The following ZDHHC17 variants were observed in gnomAD, a reference collection of about 807,000 sequenced individuals.
ZDHHC17 encodes the protein palmitoyltransferase ZDHHC17.
A neutral mutation model predicts 90.3 loss-of-function variants in ZDHHC17; 40 were observed. The observed-to-expected ratio is 0.44, with a 90% CI of 0.34 to 0.58. The LOEUF (loss-of-function observed/expected upper bound fraction) is 0.58, where lower values mean the gene tolerates loss of function less well. Among genes scored for constraint, ZDHHC17 ranks in the 20% least tolerant of loss-of-function variants. The pLI is 0.01. For synonymous variants in ZDHHC17, 235 were observed against 252.4 expected (o/e 0.93, Z 0.65); for missense variants, 614 against 780.8 (o/e 0.79, Z 2.55).
intron 2 of ZDHHC17, among the ~76,000 whole-genome samples, chr12:76,804,863 A>G (rs1159166855): frequency 6.6e-6 from 1 of 152,168 alleles, no homozygotes. Flanking sequence ...CTCTTGGTCC[A>G]TTCTTTGGGT....
rs2137812666 is a variant in ZDHHC17 at position 76,851,469 on chromosome 12, T to C, written c.*484T>C. The C allele has an allele frequency of 6.4e-6, 1 of 156,578 alleles. No homozygotes were observed. The highest frequency in any genetic ancestry group is 1.4e-5 in the Non-Finnish European group (1 of 70,862). 9.7% of individuals were successfully genotyped at this position (156,578 alleles called of 1,614,324 possible). ...TTATGTACATTTCAGAATGTACACA[T>C]AAATACTGTGATGAAAATCATGTGA... On this transcript the variant is annotated 3_prime_UTR_variant, in exon 17 of 17. Coordinates refer to ENST00000426126, the MANE Select transcript of ZDHHC17 (RefSeq NM_015336.4).
intron 10 of ZDHHC17, among the ~76,000 whole-genome samples, chr12:76,833,089 G>A (rs1231540605): frequency 6.6e-6 from 1 of 152,084 alleles, no homozygotes; most frequent in Non-Finnish European, 1.5e-5. Context: ...TGGTGATAAT[G>A]AATTTTACAT....
intron 8 of ZDHHC17, among the ~76,000 whole-genome samples, chr12:76,826,094 A>G (rs1201905227): frequency 6.6e-6 from 1 of 152,130 alleles, no homozygotes. Flanking sequence ...GTTGGGATTA[A>G]AGGCATGAGC....
intron 3 of ZDHHC17, among the ~76,000 whole-genome samples, chr12:76,807,410 C>T (rs1952967721): frequency 6.6e-6 from 1 of 152,116 alleles, no homozygotes; most frequent in Non-Finnish European, 1.5e-5. Flanking sequence ...CGTTGATGGT[C>T]CCTTCTGAAA....
intron 2 of ZDHHC17, among the ~76,000 whole-genome samples, chr12:76,804,854 T>G (rs1952937374): frequency 6.6e-6 from 1 of 152,218 alleles, no homozygotes; most frequent in South Asian, 2.1e-4. Context: ...TCCTCGTGCC[T>G]CTTGGTCCAT....
intron 12 of ZDHHC17, 115 bp from the exon 13 acceptor site, chr12:76,845,594 C>A: frequency 2.4e-6 from 1 of 418,802 alleles, no homozygotes; most frequent in Non-Finnish European, 4.1e-6. Flanking sequence ...TTGATATAAT[C>A]TTGTTTAAAA....
chr12:76,799,661 T>TG (rs1952863834), intron 2 of ZDHHC17, among the ~76,000 whole-genome samples: 1 of 152,216 alleles, frequency 6.6e-6, no homozygotes, highest in Admixed American at 6.5e-5. Context: ...ATCTGAACAA[T>TG]TTGATTTTAA....
In ZDHHC17 at chr12:76,822,489, A is replaced by G. The variant is rs1953175781; in HGVS notation, c.855A>G (p.Gly285=). The part of the protein sequence containing the change: ...NHLQEARQAK[G]YDNPSFLRKL... ...TACAAGAGGCAAGGCAAGCAAAAGGATATGACAATCCGTCCTTCCTTAGAA... is the reference window on the plus strand; with the variant it reads ...TACAAGAGGCAAGGCAAGCAAAAGGGTATGACAATCCGTCCTTCCTTAGAA... The change falls in exon 8 of 17, where the codon GGA becomes GGG. Residue 285 remains glycine, a synonymous_variant. Transcript: ENST00000426126. 1 of 1,612,574 alleles carries G rather than the reference A, an allele frequency of 6.2e-7. No homozygotes were observed. The highest frequency in any genetic ancestry group is 2.2e-5 in the East Asian group (1 of 44,812).
At chr12:76,787,372 A>AT (rs1310242057) in intron 1 of ZDHHC17, among the ~76,000 whole-genome samples, 1 of 152,214 alleles carries the variant, frequency 6.6e-6, no homozygotes, top group African/African-American at 2.4e-5. Context: ...GCCTGTTGGC[A>AT]TTTTTATGCC....
intron 7 of ZDHHC17, among the ~76,000 whole-genome samples, chr12:76,817,951 CAGTGTCTAT>C (rs1367278726): frequency 6.6e-6 from 1 of 152,150 alleles, no homozygotes; most frequent in Non-Finnish European, 1.5e-5. Context: ...CCAGAGTCTA[CAGTGTCTAT>C]AATTGAGCTA....
rs1592501467 is a variant in ZDHHC17, at chr12:76,848,481, C to A, written c.1665+91C>A. ...ATAATATATTCTCTTCCTAACCACT[C>A]CTGCTCTTCAAATATTCATTTTATT... On this transcript the variant is annotated intron_variant, in intron 15 of 16. Coordinates refer to ENST00000426126, the MANE Select transcript of ZDHHC17 (RefSeq NM_015336.4). 4 of 1,275,216 alleles carry A rather than the reference C, an allele frequency of 3.1e-6. No individual in the cohort carries two copies. In the East Asian group the frequency reaches 1.0e-4, roughly 33 times the overall value. The allele number at this position is 1,275,216 out of a possible 1,614,324, so 79.0% of individuals were successfully genotyped here. A position where few individuals can be genotyped will look rare whatever the true frequency, so the allele number is the denominator to read the frequency against.
At chr12:76,846,530 C>T in intron 13 of ZDHHC17, 66 bp from the exon 14 acceptor site, 3 of 1,211,648 alleles carry the variant, frequency 2.5e-6, no homozygotes, top group Non-Finnish European at 3.6e-6. Flanking sequence ...TGGCATACCC[C>T]TCAAAGGTGC....
chr12:76,849,533 C>A, intron 16 of ZDHHC17, 63 bp downstream of exon 16: 1 of 1,006,278 alleles, frequency 9.9e-7, no homozygotes, highest in Non-Finnish European at 1.5e-6. Flanking sequence ...ACTAACCAGA[C>A]TCTTTTACTT....
intron 1 of ZDHHC17, among the ~76,000 whole-genome samples, chr12:76,766,847 C>G (rs769876994): frequency 2.6e-5 from 4 of 151,946 alleles, no homozygotes; most frequent in African/African-American, 7.3e-5. Context: ...TGGCAAAACT[C>G]TGTGTCTACA....
chr12:76,810,651 G>T (rs1953008715), intron 5 of ZDHHC17, among the ~76,000 whole-genome samples: 1 of 152,094 alleles, frequency 6.6e-6, no homozygotes, highest in South Asian at 2.1e-4. Flanking sequence ...CAGTTGTGTT[G>T]TGCATTATAG....
At chr12:76,773,886 A>T (rs1952524393) in intron 1 of ZDHHC17, among the ~76,000 whole-genome samples, 1 of 152,174 alleles carries the variant, frequency 6.6e-6, no homozygotes, top group African/African-American at 2.4e-5. Flanking sequence ...ACATTTCCAT[A>T]AAAGTCCTTC....
chr12:76,830,526 T>G (rs1220995789), intron 10 of ZDHHC17, among the ~76,000 whole-genome samples: 1 of 152,202 alleles, frequency 6.6e-6, no homozygotes, highest in Admixed American at 6.5e-5. Context: ...ATACTTTGAC[T>G]TAAAAATTGT....
At chr12:76,819,904 A>C (rs1405560716) in intron 7 of ZDHHC17, among the ~76,000 whole-genome samples, 1 of 151,816 alleles carries the variant, frequency 6.6e-6, no homozygotes, top group African/African-American at 2.4e-5. Flanking sequence ...GAGGCAGGAG[A>C]ATTGCTTGAA....
At chr12:76,800,868 C>A in intron 2 of ZDHHC17, among the ~76,000 whole-genome samples, 1 of 139,694 alleles carries the variant, frequency 7.2e-6, no homozygotes, top group African/African-American at 2.6e-5. Context: ...AGAGGGACTT[C>A]TGTCATTTTG....
Sources: gnomAD v4.1 joint callset for allele counts (sites outside exome capture counted in the v4.1 genomes callset) on GRCh38, gnomAD v4.1.1 for gene constraint, MANE v1.5 for transcripts, NCBI Gene and HGNC (gene_info 2026-07-23, HGNC 2026-07-21) for gene names.